IL1RAPL1: variants seen among roughly 807,000 people sequenced by gnomAD.
IL1RAPL1 encodes interleukin 1 receptor accessory protein like 1.
IL1RAPL1 carries 3 observed loss-of-function variants against 48.4 expected under a neutral mutation model. That is an observed-to-expected ratio of 0.06 (90% confidence interval 0.03 to 0.16). IL1RAPL1 has a LOEUF of 0.16. Ranked by LOEUF, IL1RAPL1 falls within the 10% of genes least tolerant of loss-of-function variation. IL1RAPL1 has a pLI of 1.00. For synonymous variants in IL1RAPL1, 185 were observed against 187.7 expected (o/e 0.99, Z 0.12); for missense variants, 349 against 530.6 (o/e 0.66, Z 3.36).
chrX:29,399,434 A>G (rs900764039), intron 5 of IL1RAPL1, 126 bp downstream of exon 5: 3 of 546,029 alleles, frequency 5.5e-6, no homozygotes, highest in Admixed American at 6.8e-5. Context: ...GTGGATTCCT[A>G]TAGGTGAAAT....
chrX:28,915,917 A>C (rs951127430), intron 2 of IL1RAPL1, among the ~76,000 whole-genome samples: 1 of 109,177 alleles, frequency 9.2e-6, no homozygotes, highest in African/African-American at 3.4e-5. Context: ...AAAAACAAAT[A>C]TATCTATCTA....
chrX:29,620,544 T>C (rs763408897), intron 5 of IL1RAPL1, among the ~76,000 whole-genome samples: 1 of 112,185 alleles, frequency 8.9e-6, no homozygotes, highest in Admixed American at 9.5e-5. Context: ...ATTTCCTTTT[T>C]GAGAAGTAGA....
At chrX:29,623,086 T>C (rs1327867620) in intron 5 of IL1RAPL1, among the ~76,000 whole-genome samples, 3 of 101,070 alleles carry the variant, frequency 3.0e-5, no homozygotes, top group African/African-American at 1.1e-4. Context: ...CTGGCTAACA[T>C]GGCGAAACCC....
intron 2 of IL1RAPL1, among the ~76,000 whole-genome samples, 183 bp downstream of exon 2, chrX:28,789,608 T>C (rs1412875666): frequency 8.9e-6 from 1 of 112,289 alleles, no homozygotes; most frequent in Non-Finnish European, 1.9e-5. Context: ...TGAGAGTGGA[T>C]TCAAAAGAAT....
At chrX:29,568,260 A>G (rs1922476668) in intron 5 of IL1RAPL1, among the ~76,000 whole-genome samples, 3 of 73,817 alleles carry the variant, frequency 4.1e-5, no homozygotes, top group African/African-American at 1.5e-4. Context: ...AAGATCAAGA[A>G]TAACAGATTA....
At chrX:28,732,541 G>A (rs1935769029) in intron 1 of IL1RAPL1, among the ~76,000 whole-genome samples, 1 of 111,884 alleles carries the variant, frequency 8.9e-6, no homozygotes, top group Non-Finnish European at 1.9e-5. Context: ...ATTAATTCAG[G>A]TAATTGAAAT....
chrX:29,584,403 C>A (rs1488184874), intron 5 of IL1RAPL1, among the ~76,000 whole-genome samples: 1 of 111,183 alleles, frequency 9.0e-6, no homozygotes, highest in Non-Finnish European at 1.9e-5. Flanking sequence ...ATCTCTTTTC[C>A]ATAATTGCAA....
At chrX:29,309,669 C>T (rs1049509924) in intron 3 of IL1RAPL1, among the ~76,000 whole-genome samples, 2 of 109,578 alleles carry the variant, frequency 1.8e-5, no homozygotes, top group Non-Finnish European at 3.8e-5. Context: ...AAAAATTAGC[C>T]GGACGTGGTG....
chrX:29,659,400 T>C (rs747293842), intron 5 of IL1RAPL1, among the ~76,000 whole-genome samples: 1 of 112,025 alleles, frequency 8.9e-6, no homozygotes, highest in Non-Finnish European at 1.9e-5. Flanking sequence ...TATTGCTGAA[T>C]AGTATTCCAA....
At chrX:29,199,000 GA>G (rs1371383004) in intron 2 of IL1RAPL1, among the ~76,000 whole-genome samples, 1 of 111,474 alleles carries the variant, frequency 9.0e-6, no homozygotes, top group Admixed American at 9.6e-5. Flanking sequence ...CTGCATTCGG[GA>G]AAAAAGCAAC....
At chrX:29,900,086 G>C (rs1267522652) in intron 6 of IL1RAPL1, among the ~76,000 whole-genome samples, 1 of 111,515 alleles carries the variant, frequency 9.0e-6, no homozygotes, top group African/African-American at 3.3e-5. Flanking sequence ...ATGGAGAAGA[G>C]ACAAGCAGAG....
chrX:29,289,285 G>A (rs1200757892), intron 3 of IL1RAPL1, among the ~76,000 whole-genome samples: 1 of 112,179 alleles, frequency 8.9e-6, no homozygotes, highest in Non-Finnish European at 1.9e-5. Flanking sequence ...TTAAGTCTTA[G>A]TTTTATGGGG....
At chrX:29,595,413 T>G (rs1923509760) in intron 5 of IL1RAPL1, among the ~76,000 whole-genome samples, 1 of 111,933 alleles carries the variant, frequency 8.9e-6, no homozygotes, top group South Asian at 3.7e-4. Context: ...ATTTTTTGAT[T>G]TTTTTGATTA....
chrX:29,427,012 A>C (rs780505577), intron 5 of IL1RAPL1, among the ~76,000 whole-genome samples: 2 of 100,566 alleles, frequency 2.0e-5, no homozygotes, highest in Admixed American at 1.0e-4. Context: ...AAAAAAAAAA[A>C]AAGATTTGCA....
At chrX:29,041,100 A>G (rs756404619) in intron 2 of IL1RAPL1, among the ~76,000 whole-genome samples, 2 of 111,802 alleles carry the variant, frequency 1.8e-5, no homozygotes, top group Non-Finnish European at 3.8e-5. Flanking sequence ...TAGAGCATAA[A>G]TATTTTAGCA....
At chrX:28,778,308 T>C (rs185427330) in intron 1 of IL1RAPL1, among the ~76,000 whole-genome samples, 78 of 112,123 alleles carry the variant, frequency 7.0e-4, no homozygotes, top group Admixed American at 1.5e-3. Context: ...CACACAGATA[T>C]GTGGTAAGAG....
intron 6 of IL1RAPL1, among the ~76,000 whole-genome samples, chrX:29,834,761 A>G (rs1252402008): frequency 1.8e-5 from 2 of 111,962 alleles, no homozygotes; most frequent in Non-Finnish European, 3.8e-5. Flanking sequence ...TGCTGACATC[A>G]TGACAGACAA....
intron 1 of IL1RAPL1, among the ~76,000 whole-genome samples, chrX:28,648,133 C>T (rs1169693567): frequency 1.8e-5 from 2 of 111,164 alleles, no homozygotes; most frequent in Non-Finnish European, 3.8e-5. Flanking sequence ...TTGCGAATTG[C>T]CTCTGCCTGG....
chrX:29,557,028 C>G, intron 5 of IL1RAPL1, among the ~76,000 whole-genome samples: 1 of 111,666 alleles, frequency 9.0e-6, no homozygotes. Context: ...TCATCATCAT[C>G]CTAAAAATAT....
Sources: allele counts gnomAD v4.1 joint callset (sites outside exome capture counted in the v4.1 genomes callset), GRCh38; gene constraint gnomAD v4.1.1; transcripts MANE v1.5; gene names NCBI Gene and HGNC (gene_info 2026-07-23, HGNC 2026-07-21).